Variants in SLC11A2 observed in about 807,000 individuals in gnomAD.
SLC11A2 encodes natural resistance-associated macrophage protein 2.
A neutral mutation model predicts 68.0 loss-of-function variants in SLC11A2; 38 were observed. The observed-to-expected ratio is 0.56, with a 90% CI of 0.43 to 0.73. SLC11A2 has a LOEUF of 0.73. Ranked by LOEUF, SLC11A2 falls within the 30% of genes least tolerant of loss-of-function variation. SLC11A2 has a pLI of 0.00. For synonymous variants in SLC11A2, 242 were observed against 250.6 expected (o/e 0.97, Z 0.32); for missense variants, 517 against 690.5 (o/e 0.75, Z 2.82).
downstream of SLC11A2, among the ~76,000 whole-genome samples, chr12:50,982,672 G>A (rs562688997): frequency 4.6e-5 from 7 of 152,066 alleles, no homozygotes; most frequent in Middle Eastern, 3.4e-3. Context: ...GACTGGGCAC[G>A]GTGTCTCATG....
At chr12:50,958,350 C>T in the SLC11A2 span, among the ~76,000 whole-genome samples, 14,550 of 148,414 alleles carry the variant, frequency 0.098, 1,105 homozygotes, top group African/African-American at 0.21. Flanking sequence ...GGCACTATCT[C>T]GGCTCACTGC....
downstream of SLC11A2, chr12:50,981,322 A>G (rs534368985): frequency 3.3e-5 from 5 of 152,872 alleles, no homozygotes; most frequent in African/African-American, 7.2e-5. Context: ...GACAAAACAA[A>G]TATCTGATAT....
chr12:51,014,432 G>C (rs532246696), intron 1 of SLC11A2, among the ~76,000 whole-genome samples: 1 of 152,058 alleles, frequency 6.6e-6, no homozygotes, highest in Non-Finnish European at 1.5e-5. Flanking sequence ...AAAAAGTTTC[G>C]TCTTCTATCT....
chr12:50,997,004 A>C, intron 8 of SLC11A2, 32 bp from the exon 9 acceptor site: 1 of 1,599,540 alleles, frequency 6.3e-7, no homozygotes, highest in Non-Finnish European at 8.6e-7. Context: ...ATTAGCCTTT[A>C]CAGGAACGTG....
intron 1 of SLC11A2, among the ~76,000 whole-genome samples, chr12:51,019,644 C>CTTTTTT (rs767266753): frequency 7.4e-6 from 1 of 135,748 alleles, no homozygotes. Context: ...ATCCATCCAA[C>CTTTTTT]TTTTTTTTTT....
the SLC11A2 span, among the ~76,000 whole-genome samples, chr12:50,972,910 A>T: frequency 6.6e-6 from 1 of 152,210 alleles, no homozygotes; most frequent in Non-Finnish European, 1.5e-5. Flanking sequence ...CAGCAGTCTG[A>T]GATCAAACTG....
downstream of SLC11A2, among the ~76,000 whole-genome samples, chr12:50,985,049 G>C (rs1231899400): frequency 6.6e-6 from 1 of 152,136 alleles, no homozygotes; most frequent in Non-Finnish European, 1.5e-5. Context: ...CATCTACATA[G>C]AGGCTGATCC....
chr12:50,999,264 G>T, intron 7 of SLC11A2, 23 bp from the exon 8 acceptor site: 1 of 1,613,658 alleles, frequency 6.2e-7, no homozygotes, highest in Non-Finnish European at 8.5e-7. Context: ...AGGCAGCAGT[G>T]AGCTCAGAGA....
upstream of SLC11A2, chr12:51,026,401 T>G: frequency 7.9e-7 from 1 of 1,258,982 alleles, no homozygotes; most frequent in Non-Finnish European, 1.0e-6. Flanking sequence ...CGCCCTCCCC[T>G]CCCCGCGATT....
chr12:51,025,674 T>C (rs1944332868), intron 1 of SLC11A2: 3 of 772,068 alleles, frequency 3.9e-6, no homozygotes, highest in South Asian at 5.9e-5. Flanking sequence ...CCCACTTACA[T>C]ATGTGCAATA....
chr12:50,964,268 T>G, the SLC11A2 span, among the ~76,000 whole-genome samples: 1 of 152,250 alleles, frequency 6.6e-6, no homozygotes, highest in Non-Finnish European at 1.5e-5. Context: ...TATATCTATA[T>G]TCATCCACTA....
chr12:51,016,760 T>C (rs1415553466), intron 1 of SLC11A2, among the ~76,000 whole-genome samples: 2 of 146,722 alleles, frequency 1.4e-5, no homozygotes, highest in African/African-American at 2.5e-5. Context: ...GGCAGGAGAA[T>C]TGCTTGAACC....
chr12:50,998,758 A>G (rs1941952812), intron 8 of SLC11A2, among the ~76,000 whole-genome samples: 1 of 152,210 alleles, frequency 6.6e-6, no homozygotes, highest in Non-Finnish European at 1.5e-5. Flanking sequence ...ATAATTCATT[A>G]ACTGTTTTAA....
chr12:51,005,733 A>T, intron 3 of SLC11A2: 1 of 1,278,958 alleles, frequency 7.8e-7, no homozygotes, highest in Non-Finnish European at 1.0e-6. Flanking sequence ...CCCAAAAAGG[A>T]CAAGAGCCAC....
rs988275734 is a variant in SLC11A2 at position 50,997,879 on chromosome 12, G to A, written c.676-907C>T. ...GGCGGGCACCCGTAATCCCAGCTAC[G>A]TGGGAGGCTGAGGCAGGAGAATCGC... On this transcript the variant is annotated intron_variant, in intron 8 of 15. Transcript: ENST00000262052. 6.6e-5 allele frequency among the ~76,000 whole-genome samples: 10 copies of A among 150,796 alleles called. No homozygotes were observed. In the South Asian group the frequency reaches 8.4e-4, roughly 13 times the overall value.
At chr12:51,001,817 A>C (rs1034289516) in intron 5 of SLC11A2, among the ~76,000 whole-genome samples, 1 of 152,100 alleles carries the variant, frequency 6.6e-6, no homozygotes, top group Non-Finnish European at 1.5e-5. Flanking sequence ...GTGGGCAACA[A>C]ACAAGAGCAA....
the SLC11A2 span, among the ~76,000 whole-genome samples, chr12:50,972,663 G>A: frequency 2.0e-5 from 3 of 152,232 alleles, no homozygotes; most frequent in Non-Finnish European, 2.9e-5. Flanking sequence ...TGGGTGCAGA[G>A]CACCGAGCAT....
At chr12:50,996,068 G>C (rs984472144) in intron 9 of SLC11A2, among the ~76,000 whole-genome samples, 3 of 152,182 alleles carry the variant, frequency 2.0e-5, no homozygotes, top group African/African-American at 4.8e-5. Context: ...TCAGTGGCTG[G>C]AAGGACCACT....
At chr12:50,991,010 G>T in intron 14 of SLC11A2, 62 bp from the exon 15 acceptor site, 2 of 1,451,466 alleles carry the variant, frequency 1.4e-6, no homozygotes, top group Non-Finnish European at 1.9e-6. Flanking sequence ...GACAGAAAAG[G>T]AAACAGGATG....
Sources: allele counts gnomAD v4.1 joint callset (sites outside exome capture counted in the v4.1 genomes callset), GRCh38; gene constraint gnomAD v4.1.1; transcripts MANE v1.5; gene names NCBI Gene and HGNC (gene_info 2026-07-23, HGNC 2026-07-21).